CEP78: variants seen among roughly 807,000 people sequenced by gnomAD.
CEP78 encodes the protein centrosomal protein 78.
Under a neutral mutation model 81.2 loss-of-function variants are expected in CEP78, and 76 were observed. The observed-to-expected ratio is 0.94, with a 90% CI of 0.78 to 1.13. The LOEUF is 1.13. Ranked by LOEUF, CEP78 falls within the 50% of genes most tolerant of loss-of-function variation. The probability of loss-of-function intolerance (pLI) is 0.00; values close to 1 mark genes in which losing one functional copy is unlikely to be tolerated. For synonymous variants in CEP78, 293 were observed against 301.4 expected (o/e 0.97, Z 0.29); for missense variants, 918 against 846.8 (o/e 1.08, Z -1.04).
chr9:78,257,440 G>A (rs1386193214), intron 11 of CEP78, among the ~76,000 whole-genome samples: 1 of 152,164 alleles, frequency 6.6e-6, no homozygotes, highest in African/African-American at 2.4e-5. Flanking sequence ...CAAAATGAGG[G>A]TATAAACCAA....
At chr9:78,262,646 T>C (rs912050767) in intron 11 of CEP78, among the ~76,000 whole-genome samples, 2 of 152,174 alleles carry the variant, frequency 1.3e-5, no homozygotes, top group Admixed American at 6.5e-5. Context: ...TCAATAAATA[T>C]ATGTGTATGC....
Position 78,243,461 on chromosome 9 carries a change from G to A in CEP78, c.604-1G>A. On this transcript the variant is annotated splice_acceptor_variant, in intron 4 of 16. Coordinates refer to ENST00000643273, the MANE Select transcript of CEP78 (RefSeq NM_001330691.3). LOFTEE classifies it high-confidence loss of function. ...AATTTCATCTTATTAAATCTTTGAA[G>A]TATCAGACCATGAGAAGGCATGAAG... 6.2e-7 allele frequency: 1 copy of A among 1,610,598 alleles called. No homozygotes were observed. The highest frequency in any genetic ancestry group is 8.5e-7 in the Non-Finnish European group (1 of 1,178,368).
At chr9:78,253,370 A>G (rs1826857343) in intron 10 of CEP78, 93 bp downstream of exon 10, 2 of 729,718 alleles carry the variant, frequency 2.7e-6, no homozygotes, top group East Asian at 5.4e-5. Context: ...TAGAGTCGTA[A>G]GAAACATTTC....
intron 10 of CEP78, chr9:78,254,423 T>G (rs1457096368): frequency 6.6e-6 from 1 of 152,572 alleles, no homozygotes. Flanking sequence ...GAATTTTTTC[T>G]CCTAAAAATC....
At chr9:78,251,565 G>T (rs1048629145) in intron 8 of CEP78, among the ~76,000 whole-genome samples, 2 of 151,916 alleles carry the variant, frequency 1.3e-5, no homozygotes, top group Non-Finnish European at 2.9e-5. Context: ...AATGTATCAC[G>T]TATAATCTTT....
In CEP78 at chr9:78,236,291, T is replaced by A; in HGVS notation, c.-60T>A. ...GAGCGGCCGGGTTGCGACTCAGCGT[T>A]CTTGGGTGGGCGCGGGCGGCGTCTC... On this transcript the variant is annotated 5_prime_UTR_variant, in exon 1 of 17. Coordinates refer to ENST00000643273, the MANE Select transcript of CEP78 (RefSeq NM_001330691.3). 1 of 1,476,014 alleles carries A rather than the reference T, an allele frequency of 6.8e-7. No individual in the cohort carries two copies. The highest frequency in any genetic ancestry group is 9.1e-7 in the Non-Finnish European group (1 of 1,098,160). The allele number at this position is 1,476,014 out of a possible 1,614,324, so 91.4% of individuals were successfully genotyped here.
In CEP78 at chr9:78,265,389, C is replaced by A; in HGVS notation, c.1643C>A (p.Thr548Lys). ...LKDAGLGQLA[T>K]MAGIDQSDFQ... The stretch of plus-strand genomic sequence containing the variant: ...TCGACCAGGCTTGGGCAGCTTGCCA[C>A]AATGGCTGGGATAGATCAGTCAGAT... The change falls in exon 14 of 17, where the codon ACA becomes AAA. Residue 548 changes from threonine (T) to lysine (K), a missense_variant. Thr to Lys is a moderately conservative substitution (Grantham distance 78). Coordinates refer to ENST00000643273, the MANE Select transcript of CEP78 (RefSeq NM_001330691.3). 1 of 1,599,600 alleles carries A rather than the reference C, an allele frequency of 6.3e-7. No individual in the cohort carries two copies. The highest frequency in any genetic ancestry group is 8.5e-7 in the Non-Finnish European group (1 of 1,174,832).
chr9:78,242,673 G>A (rs1177833874), intron 4 of CEP78, among the ~76,000 whole-genome samples: 5 of 152,126 alleles, frequency 3.3e-5, no homozygotes, highest in South Asian at 2.1e-4. Context: ...TTCATTTGAC[G>A]GAGTCATAGG....
intron 7 of CEP78, 73 bp from the exon 8 acceptor site, chr9:78,248,689 C>T: frequency 2.5e-6 from 2 of 809,618 alleles, no homozygotes; most frequent in Non-Finnish European, 4.0e-6. Context: ...AGTATCTTAA[C>T]AATTTCCATT....
intron 13 of CEP78, among the ~76,000 whole-genome samples, 191 bp downstream of exon 13, chr9:78,264,507 C>T (rs1409805124): frequency 6.6e-6 from 1 of 151,684 alleles, no homozygotes; most frequent in Admixed American, 6.6e-5. Context: ...TGGTTGAGGG[C>T]CCAATATGAA....
At position 78,254,864 on chromosome 9, in the gene CEP78, TAG is replaced by T; in HGVS notation, c.1285_1286del (p.Pro430PhefsTer4). Reference sequence around the variant, plus strand: ...CCAGGTTTTCCTGTGACTGTGACAGTAGAGAGTCCTTCATCCTCTGAAGTTGA... The same window carrying T: ...CCAGGTTTTCCTGTGACTGTGACAGTAGAGTCCTTCATCCTCTGAAGTTGA... On this transcript the variant is annotated frameshift_variant, in exon 11 of 17. Transcript: ENST00000643273. LOFTEE classifies it high-confidence loss of function. The T allele has an allele frequency of 6.2e-7, 1 of 1,611,402 alleles. No individual in the cohort carries two copies. Among genetic ancestry groups the T allele is most frequent in the Non-Finnish European group, 8.5e-7 (1 of 1,178,146 alleles).
intron 1 of CEP78, among the ~76,000 whole-genome samples, chr9:78,239,211 G>C (rs993626517): frequency 3.9e-5 from 6 of 152,016 alleles, no homozygotes; most frequent in African/African-American, 1.5e-4. Context: ...CCTACATATT[G>C]CTTGTCCATC....
intron 16 of CEP78, among the ~76,000 whole-genome samples, chr9:78,270,251 T>C (rs1374756108): frequency 6.6e-6 from 1 of 152,206 alleles, no homozygotes; most frequent in Non-Finnish European, 1.5e-5. Flanking sequence ...ATCACATAAT[T>C]ATAGTTTTAA....
chr9:78,265,769 A>C (rs532343389), intron 14 of CEP78, 90 bp from the exon 15 acceptor site: 2 of 790,798 alleles, frequency 2.5e-6, no homozygotes, highest in South Asian at 3.2e-5. Flanking sequence ...GATTTAAAGT[A>C]GACTATCCTC....
chr9:78,236,771 G>A, intron 1 of CEP78, 168 bp downstream of exon 1: 2 of 804,380 alleles, frequency 2.5e-6, no homozygotes, highest in South Asian at 2.5e-5. Context: ...GTGCTCATCC[G>A]TAACATGGGC....
In CEP78 at chr9:78,279,444, A is replaced by T. The variant is rs1827863494; in HGVS notation, c.*8593A>T. 1 of 152,210 alleles carries T rather than the reference A, an allele frequency of 6.6e-6. No homozygotes were observed. Among genetic ancestry groups the T allele is most frequent in the Admixed American group, 6.5e-5 (1 of 15,284 alleles). 9.4% of individuals were successfully genotyped at this position (152,210 alleles called of 1,614,324 possible). A position where few individuals can be genotyped will look rare whatever the true frequency, so the allele number is the denominator to read the frequency against. On this transcript the variant is annotated 3_prime_UTR_variant, in exon 17 of 17. Coordinates refer to ENST00000643273, the MANE Select transcript of CEP78 (RefSeq NM_001330691.3). ...CAGATAGGAGACACTTTTGTATATTATTCCAAATATTGCAAACCTACAAGG... is the reference window on the plus strand; with the variant it reads ...CAGATAGGAGACACTTTTGTATATTTTTCCAAATATTGCAAACCTACAAGG...
At position 78,262,950 on chromosome 9, in the gene CEP78, T is replaced by C; in HGVS notation, c.1424T>C (p.Val475Ala). 1.3e-6 allele frequency: 2 copies of C among 1,546,812 alleles called. No homozygotes were observed. The stretch of plus-strand genomic sequence containing the variant: ...CTAAAGCAGTTAAAGGAAGAAAGAG[T>C]GATAAGGCTTAAGGTTGATAAACGA... ...ECLKQLKEER[V>A]IRLKVDKRVS... Residue 475 changes from valine to alanine, a missense_variant, in exon 12 of 17, where the codon GTG becomes GCG. Transcript: ENST00000643273.
At chr9:78,250,344 T>C in intron 8 of CEP78, 2 of 398,038 alleles carry the variant, frequency 5.0e-6, no homozygotes, top group Non-Finnish European at 8.9e-6. Flanking sequence ...ATGTAAATTA[T>C]GTCACATTCA....
In CEP78 at chr9:78,274,246, T is replaced by C. The variant is rs1179883122; in HGVS notation, c.*3395T>C. ...TCTCGGAAGGCTACATTCTGTATGA[T>C]TCCATTTATATGGCATTCTTGAAAA... On this transcript the variant is annotated 3_prime_UTR_variant, in exon 17 of 17. Coordinates refer to ENST00000643273, the MANE Select transcript of CEP78 (RefSeq NM_001330691.3). 6.6e-6 allele frequency: 1 copy of C among 152,224 alleles called. No homozygotes were observed. Among genetic ancestry groups the C allele is most frequent in the African/African-American group, 2.4e-5 (1 of 41,450 alleles). 9.4% of individuals were successfully genotyped at this position (152,224 alleles called of 1,614,324 possible).
Sources: gnomAD v4.1 joint callset for allele counts (sites outside exome capture counted in the v4.1 genomes callset) on GRCh38, gnomAD v4.1.1 for gene constraint, MANE v1.5 for transcripts, NCBI Gene and HGNC (gene_info 2026-07-23, HGNC 2026-07-21) for gene names.